The following HEATR4 variants were observed in gnomAD, a reference collection of about 807,000 sequenced individuals.
HEATR4 encodes HEAT repeat-containing protein 4.
HEATR4 carries 95 observed loss-of-function variants against 108.8 expected under a neutral mutation model. The observed-to-expected ratio is 0.87, with a 90% confidence interval of 0.74 to 1.04. HEATR4 has a LOEUF of 1.04. Among genes scored for constraint, HEATR4 ranks in the 50% least tolerant of loss-of-function variants. The pLI, the probability that HEATR4 is intolerant of heterozygous loss-of-function variation, is 0.00. For missense variants in HEATR4, 1,152 were observed against 1,253.8 expected, an observed-to-expected ratio of 0.92 and a Z score of 1.23; for synonymous variants, 443 against 459.4, an observed-to-expected ratio of 0.96 and a Z score of 0.46.
At chr14:73,568,208 T>C in the HEATR4 span, 1 of 152,054 alleles carries the variant, frequency 6.6e-6, no homozygotes, top group East Asian at 1.9e-4. Context: ...AAGGCTTACC[T>C]TGAGGACAGC....
chr14:73,617,237 C>G, the HEATR4 span: 4 of 1,613,346 alleles, frequency 2.5e-6, no homozygotes, highest in Non-Finnish European at 3.4e-6. Flanking sequence ...GGGGATAGAG[C>G]TGATGCAGGG....
the HEATR4 span, among the ~76,000 whole-genome samples, chr14:73,622,302 C>T: frequency 1.3e-5 from 2 of 152,092 alleles, no homozygotes; most frequent in South Asian, 2.1e-4. Context: ...CCCTAGACCT[C>T]GATTTCTTCC....
the HEATR4 span, among the ~76,000 whole-genome samples, chr14:73,610,289 G>C: frequency 9.1e-6 from 1 of 110,444 alleles, no homozygotes; most frequent in African/African-American, 3.6e-5. Flanking sequence ...GTCAAGTGTC[G>C]CTTTTTTTTT....
Position 73,522,274 on chromosome 14 carries a change from G to C in HEATR4, c.879C>G (p.Tyr293Ter). 2 of 1,613,644 alleles carry C rather than the reference G, an allele frequency of 1.2e-6. No individual in the cohort carries two copies. Among genetic ancestry groups the C allele is most frequent in the Non-Finnish European group, 1.7e-6 (2 of 1,179,766 alleles). Residue 293 changes from tyrosine (Y) to a stop codon, truncating the protein, a stop_gained and splice_region_variant, in exon 3 of 18, where the codon TAC becomes TAG. Transcript: ENST00000553558. LOFTEE classifies it high-confidence loss of function. ...ACTTGAGGCCCTGGCCAGTATACCT[G>C]TAGTAAACGGGAAGCAGCAGTTCTG... ...KKPELLLPVY[Y>*]RLPSYFQQAE...
chr14:73,533,414 C>T (rs1401914340), intron 1 of HEATR4, among the ~76,000 whole-genome samples: 2 of 115,964 alleles, frequency 1.7e-5, no homozygotes, highest in South Asian at 5.5e-4. Context: ...CGTGGTGGCT[C>T]AGGCCTGTAA....
the HEATR4 span, among the ~76,000 whole-genome samples, chr14:73,620,598 G>A: frequency 6.6e-6 from 1 of 151,400 alleles, no homozygotes; most frequent in African/African-American, 2.4e-5. Context: ...ACGGAGTCTC[G>A]CTTTTGTTGC....
chr14:73,492,527 G>T lies in HEATR4; in HGVS notation c.2844+539C>A. The T allele has an allele frequency of 6.2e-7, 1 of 1,613,760 alleles. No individual in the cohort carries two copies. Among genetic ancestry groups the T allele is most frequent in the Non-Finnish European group, 8.5e-7 (1 of 1,179,788 alleles). On this transcript the variant is annotated intron_variant, in intron 17 of 17. Transcript: ENST00000553558. The surrounding 1 kb of genome is among the most constrained non-coding windows in gnomAD (Gnocchi z 4.9). ...TGCTGTGGCCGACCAGCGAGCCAAA[G>T]ACTTCATTCACGATTCTCTGCCCCC...
intron 17 of HEATR4, chr14:73,491,034 C>T (rs2140247677): frequency 6.4e-7 from 1 of 1,560,770 alleles, no homozygotes; most frequent in Non-Finnish European, 8.7e-7. Context: ...GGGCTCCAGG[C>T]CAGTGCAGGG....
the HEATR4 span, among the ~76,000 whole-genome samples, chr14:73,630,922 TA>T: frequency 6.6e-6 from 1 of 152,134 alleles, no homozygotes; most frequent in African/African-American, 2.4e-5. Flanking sequence ...GCCCCAACAA[TA>T]TTTATGGCGA....
the HEATR4 span, among the ~76,000 whole-genome samples, chr14:73,599,986 G>A: frequency 6.6e-6 from 1 of 152,126 alleles, no homozygotes; most frequent in Non-Finnish European, 1.5e-5. Context: ...TCAGATCCAG[G>A]TATAGATGAG....
At chr14:73,531,423 CTT>C (rs767285896) in intron 1 of HEATR4, among the ~76,000 whole-genome samples, 18 of 93,530 alleles carry the variant, frequency 1.9e-4, no homozygotes, top group Admixed American at 2.5e-4. Flanking sequence ...AGTTTTTCGT[CTT>C]TTTTTTTTTT....
intron 9 of HEATR4, among the ~76,000 whole-genome samples, chr14:73,506,854 G>A (rs377592335): frequency 7.7e-6 from 1 of 130,164 alleles, no homozygotes; most frequent in South Asian, 2.4e-4. Flanking sequence ...AGGCTGGAGT[G>A]CAGTGGCACA....
chr14:73,581,266 G>A, the HEATR4 span: 45 of 151,926 alleles, frequency 3.0e-4, no homozygotes, highest in African/African-American at 1.0e-3. Flanking sequence ...GGAAATCCAA[G>A]ATCAAGGCAC....
In HEATR4 at chr14:73,478,809, G is replaced by T. The variant is rs373548113; in HGVS notation, c.2878C>A (p.Gln960Lys). Residue 960 changes from glutamine (Q) to lysine (K), a missense_variant, in exon 18 of 18, where the codon CAA (glutamine) becomes AAA (lysine). Coordinates refer to ENST00000553558, the MANE Select transcript of HEATR4 (RefSeq NM_001220484.1). The part of the protein sequence containing the change: ...VKPRAPNPWL[Q>K]SSVPGLTTRS... ...GTGGTTAGGCCTGGGACTGAACTTT[G>T]TAACCAGGGATTTGGTGCGCGGGGC... 6.2e-7 allele frequency: 1 copy of T among 1,610,480 alleles called. No homozygotes were observed. Among genetic ancestry groups the T allele is most frequent in the Non-Finnish European group, 8.5e-7 (1 of 1,178,272 alleles).
In HEATR4 at chr14:73,557,081, T is replaced by A. The variant is rs1362623943; in HGVS notation, c.-152+1670A>T. On this transcript the variant is annotated intron_variant, in intron 1 of 17. Coordinates refer to ENST00000553558, the MANE Select transcript of HEATR4 (RefSeq NM_001220484.1). ...GAGTGGCAGGTCCGGGGTCCTTTTG[T>A]ACATAGACAGCATAAAAAATTGACT... Among the ~76,000 whole-genome samples the A allele has an allele frequency of 5.0e-4, 57 of 113,628 alleles. 11 individuals are homozygous for A. Among genetic ancestry groups the A allele is most frequent in the African/African-American group, 1.6e-3 (56 of 35,144 alleles). The allele number at this position is 113,628 out of a possible 152,430, so 74.5% of individuals were successfully genotyped here.
the HEATR4 span, chr14:73,573,570 T>C: frequency 2.5e-5 from 40 of 1,613,764 alleles, no homozygotes; most frequent in African/African-American, 4.5e-4. Flanking sequence ...AGCCATGAAC[T>C]ACTTGCTCAG....
chr14:73,613,744 CAA>C, the HEATR4 span, among the ~76,000 whole-genome samples: 1 of 152,136 alleles, frequency 6.6e-6, no homozygotes, highest in Non-Finnish European at 1.5e-5. Flanking sequence ...ACCACCAGAA[CAA>C]AGAATTATCT....
chr14:73,615,422 A>G, the HEATR4 span, among the ~76,000 whole-genome samples: 1 of 146,314 alleles, frequency 6.8e-6, no homozygotes, highest in Non-Finnish European at 1.5e-5. Flanking sequence ...AAACAAAAAA[A>G]ACCAGCAACA....
At chr14:73,566,175 C>T in the HEATR4 span, among the ~76,000 whole-genome samples, 14 of 152,192 alleles carry the variant, frequency 9.2e-5, no homozygotes, top group Non-Finnish European at 1.8e-4. Context: ...AAACCTTGAG[C>T]TAGATACAGA....
Sources: gnomAD v4.1 joint callset for allele counts (sites outside exome capture counted in the v4.1 genomes callset) on GRCh38, gnomAD v4.1.1 for gene constraint, Gnocchi (gnomAD v3.1) non-coding constraint, MANE v1.5 for transcripts, NCBI Gene and HGNC (gene_info 2026-07-23, HGNC 2026-07-21) for gene names.